Variants in CYP7B1 observed in about 807,000 individuals in gnomAD.
The protein encoded by CYP7B1 is cytochrome P450 family 7 subfamily B member 1.
CYP7B1 carries 29 observed loss-of-function variants against 42.7 expected under a neutral mutation model. That is an observed-to-expected ratio of 0.68 (90% CI 0.51 to 0.93). The LOEUF (loss-of-function observed/expected upper bound fraction) is 0.93, where lower values mean the gene tolerates loss of function less well. Among genes scored for constraint, CYP7B1 ranks in the 40% least tolerant of loss-of-function variants. CYP7B1 has a pLI of 0.00. For missense variants in CYP7B1, 655 were observed against 600.5 expected (o/e 1.09, Z -0.95); for synonymous variants, 235 against 218.2 (o/e 1.08, Z -0.68).
chr8:64,608,040 G>T (rs899893798), intron 4 of CYP7B1, among the ~76,000 whole-genome samples: 1 of 152,136 alleles, frequency 6.6e-6, no homozygotes, highest in East Asian at 1.9e-4. Flanking sequence ...TTCCCTCTAT[G>T]ATCTCACAAT....
At chr8:64,647,036 G>A (rs1044333604) in intron 1 of CYP7B1, among the ~76,000 whole-genome samples, 6 of 152,212 alleles carry the variant, frequency 3.9e-5, no homozygotes, top group African/African-American at 1.4e-4. Flanking sequence ...TAAAGTGAGA[G>A]AAGTGTGAAT....
At chr8:64,747,108 A>G (rs1807654275) in intron 1 of CYP7B1, among the ~76,000 whole-genome samples, 1 of 149,554 alleles carries the variant, frequency 6.7e-6, no homozygotes, top group Non-Finnish European at 1.5e-5. Context: ...TTTTAAATAT[A>G]TTTATTGTTA....
rs757503820 is a variant in CYP7B1 at position 64,771,047 on chromosome 8, C to CTTTTTTTTTTTT, written c.122+27407_122+27418dup. Among the ~76,000 whole-genome samples the CTTTTTTTTTTTT allele has an allele frequency of 4.9e-4, 21 of 42,502 alleles. 7 individuals carry two copies. Among genetic ancestry groups the CTTTTTTTTTTTT allele is most frequent in the African/African-American group, 1.5e-3 (18 of 12,020 alleles). 27.9% of individuals were successfully genotyped at this position (42,502 alleles called of 152,430 possible). ...AATCTCAAGAGTGGGATATCAGCAT[C>CTTTTTTTTTTTT]TTTTTTTTTTTTTTTTTTTTTTTTT... is the stretch of plus-strand genomic sequence containing the variant. On this transcript the variant is annotated intron_variant, in intron 1 of 5. Transcript: ENST00000310193.
At chr8:64,643,193 A>C (rs1404249447) in intron 1 of CYP7B1, among the ~76,000 whole-genome samples, 2 of 145,272 alleles carry the variant, frequency 1.4e-5, no homozygotes, top group Admixed American at 1.4e-4. Context: ...ATATATATAT[A>C]CACACACACA....
intron 1 of CYP7B1, among the ~76,000 whole-genome samples, chr8:64,735,668 G>C (rs1001064516): frequency 6.6e-6 from 1 of 152,132 alleles, no homozygotes; most frequent in Admixed American, 6.5e-5. Flanking sequence ...TTACGGGGAA[G>C]GGGGAGGTCC....
chr8:64,733,387 G>A (rs1421065361), intron 1 of CYP7B1, among the ~76,000 whole-genome samples: 2 of 152,118 alleles, frequency 1.3e-5, no homozygotes, highest in Admixed American at 1.3e-4. Flanking sequence ...GCCAATGCAG[G>A]TAAAACAGGA....
chr8:64,602,368 G>A (rs1465225398), intron 5 of CYP7B1, among the ~76,000 whole-genome samples: 1 of 152,192 alleles, frequency 6.6e-6, no homozygotes, highest in Non-Finnish European at 1.5e-5. Context: ...GGCATTCCAG[G>A]AATAGGGAGA....
rs930302504 is a variant in CYP7B1 at position 64,595,130 on chromosome 8, A to G, written c.*1512T>C. 1.3e-5 allele frequency among the ~76,000 whole-genome samples: 2 copies of G among 152,244 alleles called. No individual in the cohort carries two copies. Among genetic ancestry groups the G allele is most frequent in the African/African-American group, 4.8e-5 (2 of 41,468 alleles). On this transcript the variant is annotated 3_prime_UTR_variant, in exon 6 of 6. Transcript: ENST00000310193. ...AAGTGCTGTGAGGAAATAACTGTCA[A>G]TCTAGATTTGTGCATCCAGCAAAAC...
In CYP7B1 at chr8:64,654,141, A is replaced by G. The variant is rs1399045087; in HGVS notation, c.123-29602T>C. Among the ~76,000 whole-genome samples the G allele has an allele frequency of 4.6e-5, 7 of 152,186 alleles. No homozygotes were observed. The South Asian group carries it at 1.0e-3, about 23-fold the overall frequency. ...AAGGATGCCCTCTCTCACCACTCCT[A>G]TTCAACATAGTATTGGAAGTCCTAG... On this transcript the variant is annotated intron_variant, in intron 1 of 5. Coordinates refer to ENST00000310193, the MANE Select transcript of CYP7B1 (RefSeq NM_004820.5).
At position 64,592,482 on chromosome 8, in the gene CYP7B1, AC is replaced by A. The variant is rs934626097; in HGVS notation, c.*4159del. Among the ~76,000 whole-genome samples the A allele has an allele frequency of 7.9e-5, 12 of 152,214 alleles. No individual in the cohort carries two copies. Among genetic ancestry groups the A allele is most frequent in the Non-Finnish European group, 1.2e-4 (8 of 68,028 alleles). On this transcript the variant is annotated 3_prime_UTR_variant, in exon 6 of 6. Coordinates refer to ENST00000310193, the MANE Select transcript of CYP7B1 (RefSeq NM_004820.5). ...AGTTGCCTACGTATTGTTTTCCCTA[AC>A]AAATAGTATGTTCTTGAAGGGGAAG...
At chr8:64,631,920 G>A (rs1333970298) in intron 1 of CYP7B1, among the ~76,000 whole-genome samples, 1 of 151,702 alleles carries the variant, frequency 6.6e-6, no homozygotes, top group Non-Finnish European at 1.5e-5. Context: ...AAGACAACAA[G>A]TGTTGCTAAG....
intron 1 of CYP7B1, among the ~76,000 whole-genome samples, chr8:64,712,518 AT>A (rs1001499020): frequency 8.7e-5 from 13 of 149,938 alleles, no homozygotes; most frequent in Admixed American, 5.3e-4. Flanking sequence ...TGTGGAAAGG[AT>A]TTTTTTTTTC....
intron 1 of CYP7B1, among the ~76,000 whole-genome samples, chr8:64,754,439 T>C (rs951002996): frequency 2.6e-5 from 4 of 152,176 alleles, no homozygotes; most frequent in Non-Finnish European, 4.4e-5. Context: ...TAACAGTAAG[T>C]TGAAGTGCTC....
chr8:64,760,449 C>T lies in CYP7B1; in HGVS notation c.122+38017G>A, dbSNP rs149905776. Among the ~76,000 whole-genome samples, 625 of 152,070 alleles carry T rather than the reference C, an allele frequency of 4.1e-3. 3 individuals are homozygous for T. The highest frequency in any genetic ancestry group is 5.8e-3 in the Non-Finnish European group (395 of 67,906). ...CGAATGGAAGAAAATATTTGCAAAA[C>T]ATATTTGATAAAAGGTTAATATCTA... On this transcript the variant is annotated intron_variant, in intron 1 of 5. Transcript: ENST00000310193.
intron 1 of CYP7B1, among the ~76,000 whole-genome samples, chr8:64,790,794 A>T (rs1003167679): frequency 2.6e-5 from 4 of 152,188 alleles, no homozygotes; most frequent in African/African-American, 7.2e-5. Context: ...TGACCCCTCA[A>T]AACTCATATG....
intron 1 of CYP7B1, among the ~76,000 whole-genome samples, chr8:64,725,622 A>G (rs1807311765): frequency 6.6e-6 from 1 of 152,208 alleles, no homozygotes; most frequent in African/African-American, 2.4e-5. Context: ...ATATACACAC[A>G]TAACTGCAAG....
At chr8:64,766,258 A>G (rs751845232) in intron 1 of CYP7B1, among the ~76,000 whole-genome samples, 49 of 152,216 alleles carry the variant, frequency 3.2e-4, no homozygotes, top group Non-Finnish European at 4.9e-4. Flanking sequence ...TAACATAGGG[A>G]AAGGAAGAAA....
At chr8:64,615,662 T>C in intron 3 of CYP7B1, 29 bp downstream of exon 3, 2 of 1,597,842 alleles carry the variant, frequency 1.3e-6, no homozygotes, top group Non-Finnish European at 1.7e-6. Flanking sequence ...GATTTTATTT[T>C]AGGCAAGTGC....
intron 1 of CYP7B1, among the ~76,000 whole-genome samples, chr8:64,656,826 C>T (rs142074718): frequency 1.3e-5 from 2 of 152,206 alleles, no homozygotes; most frequent in East Asian, 3.9e-4. Context: ...GATGTTACAC[C>T]TGCGATGTGA....
Sources: gnomAD v4.1 joint callset for allele counts (sites outside exome capture counted in the v4.1 genomes callset) on GRCh38, gnomAD v4.1.1 for gene constraint, MANE v1.5 for transcripts, NCBI Gene and HGNC (gene_info 2026-07-23, HGNC 2026-07-21) for gene names.